ZFAND3: variants seen among roughly 807,000 people sequenced by gnomAD.
The protein encoded by ZFAND3 is AN1-type zinc finger protein 3.
ZFAND3 carries 10 observed loss-of-function variants against 29.6 expected under a neutral mutation model. The ratio of observed to expected loss-of-function variants is 0.34; its 90% CI spans 0.21 to 0.57. The LOEUF (loss-of-function observed/expected upper bound fraction) is 0.57. Among genes scored for constraint, ZFAND3 ranks in the 20% least tolerant of loss-of-function variants. The pLI, the probability that ZFAND3 is intolerant of heterozygous loss-of-function variation, is 0.86. For synonymous variants in ZFAND3, 128 were observed against 112.6 expected, an observed-to-expected ratio of 1.14 and a Z score of -0.87; for missense variants, 230 against 304.5, an observed-to-expected ratio of 0.76 and a Z score of 1.82.
intron 1 of ZFAND3, among the ~76,000 whole-genome samples, chr6:37,925,810 T>C (rs1761474665): frequency 6.6e-6 from 1 of 151,984 alleles, no homozygotes; most frequent in South Asian, 2.1e-4. Flanking sequence ...TTGTGGGAAA[T>C]ACTGAGAATT....
chr6:38,093,276 T>C lies in ZFAND3; in HGVS notation c.361+10819T>C, dbSNP rs57525562. On this transcript the variant is annotated intron_variant, in intron 4 of 5. Transcript: ENST00000287218. ...TGTTTGAAAAGAGTAATTGACAGGA[T>C]TTGATGGCTGATTAGAGTTGGCTGA... 0.018 allele frequency among the ~76,000 whole-genome samples: 2,680 copies of C among 152,210 alleles called. 252 individuals carry two copies. In the East Asian group the frequency reaches 0.28, roughly 16 times the overall value.
rs144041630 is a variant in ZFAND3, at chr6:38,069,454, A to G, written c.295+7679A>G. ...CCGATATATAATAGTCTCAAAGTGG[A>G]AGATTCTTTCCCATAATGAAGAATG... is the stretch of plus-strand genomic sequence containing the variant. On this transcript the variant is annotated intron_variant, in intron 3 of 5. Transcript: ENST00000287218. Among the ~76,000 whole-genome samples the G allele has an allele frequency of 1.6e-4, 25 of 152,332 alleles. No individual in the cohort carries two copies. In the East Asian group the frequency reaches 3.5e-3, roughly 21 times the overall value.
intron 1 of ZFAND3, among the ~76,000 whole-genome samples, chr6:37,922,597 T>G (rs1325735593): frequency 6.6e-6 from 1 of 152,222 alleles, no homozygotes; most frequent in Non-Finnish European, 1.5e-5. Context: ...ATGTTGAACA[T>G]CATAGAGTGT....
intron 1 of ZFAND3, among the ~76,000 whole-genome samples, chr6:37,851,085 T>G (rs1229440828): frequency 6.6e-6 from 1 of 151,428 alleles, no homozygotes; most frequent in East Asian, 1.9e-4. Flanking sequence ...TCTCGCACTG[T>G]CACCCAGGCT....
rs556676608 is a variant in ZFAND3 at position 37,925,402 on chromosome 6, G to A, written c.72-4557G>A. ...GTATCTGTAAGACTACAGGAAGGACGGGAATCAAAAATGGTTTCTGCTGGA... is the reference window on the plus strand; with the variant it reads ...GTATCTGTAAGACTACAGGAAGGACAGGAATCAAAAATGGTTTCTGCTGGA... On this transcript the variant is annotated intron_variant, in intron 1 of 5. Coordinates refer to ENST00000287218, the MANE Select transcript of ZFAND3 (RefSeq NM_021943.3). 7.7e-4 allele frequency among the ~76,000 whole-genome samples: 117 copies of A among 152,212 alleles called. 1 individual carries two copies. The highest frequency in any genetic ancestry group is 2.8e-3 in the African/African-American group (116 of 41,550).
At chr6:37,982,229 T>C (rs868087469) in intron 2 of ZFAND3, among the ~76,000 whole-genome samples, 6 of 151,396 alleles carry the variant, frequency 4.0e-5, no homozygotes, top group Middle Eastern at 6.4e-3. Context: ...TTAATCTTTG[T>C]ATGTATCTTA....
chr6:38,107,442 C>A lies in ZFAND3; in HGVS notation c.362-9130C>A, dbSNP rs1288042750. On this transcript the variant is annotated intron_variant, in intron 4 of 5. Coordinates refer to ENST00000287218, the MANE Select transcript of ZFAND3 (RefSeq NM_021943.3). The stretch of plus-strand genomic sequence containing the variant: ...CTTCCCTTCACCTTCTTTACTTACG[C>A]CAGTCCTCCAGCCATGCCATGTGGG... 2.0e-5 allele frequency among the ~76,000 whole-genome samples: 3 copies of A among 152,194 alleles called. No individual in the cohort carries two copies. In the East Asian group the frequency reaches 5.8e-4, roughly 29 times the overall value.
intron 1 of ZFAND3, among the ~76,000 whole-genome samples, chr6:37,867,468 T>G (rs1322292924): frequency 2.6e-5 from 4 of 152,144 alleles, no homozygotes; most frequent in Non-Finnish European, 5.9e-5. Context: ...CTGCTGCATT[T>G]TAGACTAGTA....
In ZFAND3 at chr6:38,116,942, C is replaced by T. The variant is rs115675010; in HGVS notation, c.529+203C>T. Among the ~76,000 whole-genome samples the T allele has an allele frequency of 5.0e-3, 762 of 152,144 alleles. 9 individuals are homozygous for T. Among genetic ancestry groups the T allele is most frequent in the African/African-American group, 0.015 (632 of 41,522 alleles). On this transcript the variant is annotated intron_variant, in intron 5 of 5. Transcript: ENST00000287218. ...TAAACACCCTTTATTCTCACACATG[C>T]AAAAAAGACAAAAACATCCCCATGT...
intron 1 of ZFAND3, among the ~76,000 whole-genome samples, chr6:37,892,951 A>G (rs749611823): frequency 2.6e-5 from 4 of 152,204 alleles, no homozygotes; most frequent in Non-Finnish European, 5.9e-5. Flanking sequence ...AGATTGATTC[A>G]GTAATTAAAA....
intron 1 of ZFAND3, among the ~76,000 whole-genome samples, chr6:37,905,252 G>A (rs1368536440): frequency 2.0e-5 from 3 of 152,166 alleles, no homozygotes; most frequent in African/African-American, 7.2e-5. Flanking sequence ...CTGACCACTT[G>A]GACTTTTAAG....
At chr6:38,100,401 G>A (rs1418040807) in intron 4 of ZFAND3, among the ~76,000 whole-genome samples, 1 of 152,158 alleles carries the variant, frequency 6.6e-6, no homozygotes, top group African/African-American at 2.4e-5. Context: ...ATATCTTAAG[G>A]TCTTGGTCAT....
chr6:37,836,068 G>A (rs919925822), intron 1 of ZFAND3, among the ~76,000 whole-genome samples: 1 of 152,162 alleles, frequency 6.6e-6, no homozygotes, highest in Non-Finnish European at 1.5e-5. Context: ...CATTTAGGGT[G>A]ACATGAGTGT....
chr6:37,833,704 T>C (rs1046027487), intron 1 of ZFAND3, among the ~76,000 whole-genome samples: 3 of 151,386 alleles, frequency 2.0e-5, no homozygotes, highest in Non-Finnish European at 4.4e-5. Flanking sequence ...CGAGCGTCTG[T>C]AGTCCCAGCT....
intron 2 of ZFAND3, among the ~76,000 whole-genome samples, chr6:37,976,833 C>T (rs1762487354): frequency 6.6e-6 from 1 of 152,074 alleles, no homozygotes; most frequent in African/African-American, 2.4e-5. Flanking sequence ...GGGGAAACCA[C>T]CCCCATGATC....
At chr6:38,051,128 A>G (rs980826977) in intron 2 of ZFAND3, among the ~76,000 whole-genome samples, 3 of 152,146 alleles carry the variant, frequency 2.0e-5, no homozygotes, top group African/African-American at 7.2e-5. Flanking sequence ...ATAGGTGGGC[A>G]AGAGCAGTCC....
intron 5 of ZFAND3, among the ~76,000 whole-genome samples, chr6:38,144,206 TATATAATATATAATATATATATATA>T (rs1766042057): frequency 9.0e-5 from 4 of 44,274 alleles, no homozygotes; most frequent in African/African-American, 3.9e-4. Context: ...TATATATATA[TATATAATATATAATATATATATATA>T]TTTTTTTTTT....
chr6:38,133,637 C>G (rs1327774448), intron 5 of ZFAND3, among the ~76,000 whole-genome samples: 2 of 151,854 alleles, frequency 1.3e-5, no homozygotes, highest in Non-Finnish European at 2.9e-5. Context: ...GTAGTCCCAG[C>G]TACTCGGGAG....
chr6:37,820,203 G>A (rs1175929992), intron 1 of ZFAND3, among the ~76,000 whole-genome samples, 187 bp downstream of exon 1: 3 of 152,040 alleles, frequency 2.0e-5, no homozygotes, highest in African/African-American at 4.8e-5. Flanking sequence ...GGTGGGCAGA[G>A]AAGGCCCTGC....
Sources: allele counts gnomAD v4.1 joint callset (sites outside exome capture counted in the v4.1 genomes callset), GRCh38; gene constraint gnomAD v4.1.1; transcripts MANE v1.5; gene names NCBI Gene and HGNC (gene_info 2026-07-23, HGNC 2026-07-21).